Variants in TMEM132D observed in about 807,000 individuals in gnomAD.
The protein encoded by TMEM132D is mature OL transmembrane protein.
Under a neutral mutation model 62.3 loss-of-function variants are expected in TMEM132D, and 21 were observed. That is an observed-to-expected ratio of 0.34 (90% CI 0.24 to 0.49). The LOEUF is 0.49. Ranked by LOEUF, TMEM132D falls within the 20% of genes least tolerant of loss-of-function variation. The probability of loss-of-function intolerance (pLI) is 0.99; values close to 1 mark genes in which losing one functional copy is unlikely to be tolerated. For missense variants in TMEM132D, 1,346 were observed against 1,402.8 expected, an observed-to-expected ratio of 0.96 and a Z score of 0.65; for synonymous variants, 621 against 575.6, an observed-to-expected ratio of 1.08 and a Z score of -1.13.
intron 3 of TMEM132D, among the ~76,000 whole-genome samples, chr12:129,451,533 G>T (rs1448759188): frequency 6.6e-6 from 1 of 152,152 alleles, no homozygotes; most frequent in Non-Finnish European, 1.5e-5. Context: ...AATAGAACTA[G>T]TATGTGGATA....
intron 5 of TMEM132D, among the ~76,000 whole-genome samples, chr12:129,095,606 C>A (rs1340105886): frequency 2.0e-5 from 3 of 152,126 alleles, no homozygotes; most frequent in Non-Finnish European, 4.4e-5. Context: ...CCTGCCTAGG[C>A]CTCCCAAAGT....
At position 129,473,789 on chromosome 12, in the gene TMEM132D, A is replaced by T. The variant is rs530446924; in HGVS notation, c.1115+57270T>A. On this transcript the variant is annotated intron_variant, in intron 3 of 8. Transcript: ENST00000422113. ...ATTCACTTTAGTATGGTGATCTGGA[A>T]CTGAACCTGCAGTATCTCCGAGGCA... 4.1e-4 allele frequency among the ~76,000 whole-genome samples: 63 copies of T among 152,370 alleles called. No individual in the cohort carries two copies. In the Middle Eastern group the frequency reaches 0.01, roughly 25 times the overall value.
At chr12:129,744,246 CA>C (rs756183557) in intron 1 of TMEM132D, among the ~76,000 whole-genome samples, 6 of 152,172 alleles carry the variant, frequency 3.9e-5, no homozygotes, top group Non-Finnish European at 8.8e-5. Context: ...TATTTAATAT[CA>C]ATGTTCAACT....
At chr12:129,745,532 C>T (rs922884753) in intron 1 of TMEM132D, among the ~76,000 whole-genome samples, 2 of 152,212 alleles carry the variant, frequency 1.3e-5, no homozygotes, top group Middle Eastern at 6.8e-3. Context: ...CGGATTCAAC[C>T]CCCCTCTATC....
At chr12:129,516,097 T>A (rs896184212) in intron 3 of TMEM132D, among the ~76,000 whole-genome samples, 4 of 152,166 alleles carry the variant, frequency 2.6e-5, no homozygotes, top group African/African-American at 9.7e-5. Flanking sequence ...CATAATTACA[T>A]CCATTCCATG....
chr12:129,136,714 T>A (rs918914660), intron 5 of TMEM132D, among the ~76,000 whole-genome samples: 2 of 151,528 alleles, frequency 1.3e-5, no homozygotes, highest in Non-Finnish European at 2.9e-5. Flanking sequence ...ATTAATATCA[T>A]CATCCCCATC....
chr12:129,228,211 T>G (rs559173260), intron 4 of TMEM132D, among the ~76,000 whole-genome samples: 1 of 152,294 alleles, frequency 6.6e-6, no homozygotes, highest in Non-Finnish European at 1.5e-5. Flanking sequence ...TTTAGCGGGA[T>G]GAGTCCAGTA....
At chr12:129,798,449 T>C (rs1300178959) in intron 1 of TMEM132D, among the ~76,000 whole-genome samples, 1 of 151,546 alleles carries the variant, frequency 6.6e-6, no homozygotes, top group African/African-American at 2.4e-5. Flanking sequence ...GCTAATGTAG[T>C]AGAAACATAT....
intron 2 of TMEM132D, among the ~76,000 whole-genome samples, chr12:129,665,293 CAAAG>C (rs1405779420): frequency 6.6e-6 from 1 of 152,058 alleles, no homozygotes; most frequent in Non-Finnish European, 1.5e-5. Flanking sequence ...AATTAGAAAA[CAAAG>C]AACCAGAAAG....
At chr12:129,890,826 T>C (rs551091250) in intron 1 of TMEM132D, among the ~76,000 whole-genome samples, 39 of 152,210 alleles carry the variant, frequency 2.6e-4, no homozygotes, top group East Asian at 1.9e-4. Context: ...CTCAAAATGA[T>C]TGAATAAATA....
At chr12:129,837,075 G>A (rs779283916) in intron 1 of TMEM132D, among the ~76,000 whole-genome samples, 17 of 152,144 alleles carry the variant, frequency 1.1e-4, no homozygotes, top group Non-Finnish European at 1.9e-4. Context: ...GTTTGTTGTC[G>A]ATAAACAGCG....
chr12:129,204,653 C>A (rs1278530158), intron 5 of TMEM132D, among the ~76,000 whole-genome samples: 3 of 152,160 alleles, frequency 2.0e-5, no homozygotes, highest in Non-Finnish European at 4.4e-5. Context: ...GATATGCCAA[C>A]ATTCAAATTC....
chr12:129,223,421 G>A (rs992763975), intron 4 of TMEM132D, among the ~76,000 whole-genome samples: 2 of 152,158 alleles, frequency 1.3e-5, no homozygotes, highest in Non-Finnish European at 2.9e-5. Context: ...CAATAGCCCA[G>A]ACTGTAATCG....
In TMEM132D at chr12:129,469,426, G is replaced by A. The variant is rs140339780; in HGVS notation, c.1115+61633C>T. On this transcript the variant is annotated intron_variant, in intron 3 of 8. Coordinates refer to ENST00000422113, the MANE Select transcript of TMEM132D (RefSeq NM_133448.3). ...CATAACTACTGAATCAGAAATTCTG[G>A]AGGGGGGGCCAGCCATCTGTGTTTT... Among the ~76,000 whole-genome samples the A allele has an allele frequency of 2.0e-5, 3 of 152,298 alleles. No individual in the cohort carries two copies. The East Asian group carries it at 5.8e-4, about 29-fold the overall frequency.
At chr12:129,418,320 G>A (rs571823449) in intron 3 of TMEM132D, among the ~76,000 whole-genome samples, 7 of 152,190 alleles carry the variant, frequency 4.6e-5, no homozygotes, top group South Asian at 2.1e-4. Flanking sequence ...CCAAATGCCC[G>A]TCAATGATAG....
intron 3 of TMEM132D, among the ~76,000 whole-genome samples, chr12:129,381,578 G>T (rs1870952288): frequency 6.6e-6 from 1 of 152,172 alleles, no homozygotes; most frequent in African/African-American, 2.4e-5. Context: ...CAGGTTGCGA[G>T]ATTTTCCCCA....
intron 5 of TMEM132D, among the ~76,000 whole-genome samples, chr12:129,167,312 AG>A (rs1251938896): frequency 6.6e-6 from 1 of 152,104 alleles, no homozygotes; most frequent in Non-Finnish European, 1.5e-5. Flanking sequence ...CCCAGGAACC[AG>A]GGGCCCACTT....
chr12:129,085,753 C>T (rs1413482567), intron 5 of TMEM132D: 1 of 152,202 alleles, frequency 6.6e-6, no homozygotes, highest in African/African-American at 2.4e-5. Flanking sequence ...AAGTCTGGCT[C>T]CAGAGCTCAG....
intron 2 of TMEM132D, among the ~76,000 whole-genome samples, chr12:129,655,897 C>T (rs1370729460): frequency 3.3e-5 from 5 of 152,174 alleles, no homozygotes; most frequent in African/African-American, 1.2e-4. Context: ...CTGAGCCCCT[C>T]GGGTTACAGA....
Sources: allele counts gnomAD v4.1 joint callset (sites outside exome capture counted in the v4.1 genomes callset), GRCh38; gene constraint gnomAD v4.1.1; transcripts MANE v1.5; gene names NCBI Gene and HGNC (gene_info 2026-07-23, HGNC 2026-07-21).